JAZF1: variants seen among roughly 807,000 people sequenced by gnomAD.
JAZF1 encodes juxtaposed with another zinc finger protein 1.
A neutral mutation model predicts 26.4 loss-of-function variants in JAZF1; 8 were observed. The observed-to-expected ratio is 0.30, with a 90% CI of 0.18 to 0.55. The LOEUF (loss-of-function observed/expected upper bound fraction) is 0.55. Among genes scored for constraint, JAZF1 ranks in the 20% least tolerant of loss-of-function variants. JAZF1 has a pLI of 0.94. For missense variants in JAZF1, 199 were observed against 322.0 expected, an observed-to-expected ratio of 0.62 and a Z score of 2.92; for synonymous variants, 126 against 122.3, an observed-to-expected ratio of 1.03 and a Z score of -0.20.
chr7:28,057,082 T>C (rs1244877988), intron 1 of JAZF1, among the ~76,000 whole-genome samples: 1 of 152,188 alleles, frequency 6.6e-6, no homozygotes. Flanking sequence ...TTCCTAGCTA[T>C]CCATCATGCT....
rs1782909588 is a variant in JAZF1, at chr7:27,840,879, G to C, written c.386-12C>G. ...GTCATACTCGCTGCCTGCAGGACAA[G>C]AGAAGTGCAAGGACTGTCAGGAGCG... On this transcript the variant is annotated splice_polypyrimidine_tract_variant and intron_variant, in intron 3 of 4. Coordinates refer to ENST00000283928, the MANE Select transcript of JAZF1 (RefSeq NM_175061.4). This position sits in a 1 kb window ranked among gnomAD's most constrained non-coding sequence, Gnocchi z 5.1. 2 of 1,613,528 alleles carry C rather than the reference G, an allele frequency of 1.2e-6. No homozygotes were observed. Among genetic ancestry groups the C allele is most frequent in the Non-Finnish European group, 8.5e-7 (1 of 1,179,802 alleles).
chr7:27,848,881 A>G (rs1477976399), intron 3 of JAZF1, among the ~76,000 whole-genome samples: 1 of 152,124 alleles, frequency 6.6e-6, no homozygotes, highest in African/African-American at 2.4e-5. Context: ...GAATGGGCAA[A>G]TTTTGTTTTA....
chr7:27,865,493 T>G (rs1191145756), intron 3 of JAZF1, among the ~76,000 whole-genome samples: 1 of 152,228 alleles, frequency 6.6e-6, no homozygotes, highest in Non-Finnish European at 1.5e-5. Flanking sequence ...AAAGCCATAT[T>G]TAACCATCAG....
rs549434516 is a variant in JAZF1 at position 28,065,159 on chromosome 7, G to A, written c.116-73178C>T. ...CAGTCAGCTGACTTTCTCCCTAAGCGCTGATAAGGAATCTTTTGGGAGTAA... is the reference window on the plus strand; with the variant it reads ...CAGTCAGCTGACTTTCTCCCTAAGCACTGATAAGGAATCTTTTGGGAGTAA... On this transcript the variant is annotated intron_variant, in intron 1 of 4. Transcript: ENST00000283928. Among the ~76,000 whole-genome samples, 84 of 152,280 alleles carry A rather than the reference G, an allele frequency of 5.5e-4. 1 individual carries two copies. The South Asian group carries it at 0.015, about 27-fold the overall frequency.
At chr7:27,955,696 G>A (rs1785077326) in intron 2 of JAZF1, among the ~76,000 whole-genome samples, 2 of 152,280 alleles carry the variant, frequency 1.3e-5, no homozygotes, top group East Asian at 1.9e-4. Flanking sequence ...AACTCATTGT[G>A]ACAGTGTCAC....
intron 1 of JAZF1, among the ~76,000 whole-genome samples, chr7:28,124,105 T>C (rs1782655492): frequency 6.6e-6 from 1 of 152,116 alleles, no homozygotes; most frequent in Non-Finnish European, 1.5e-5. Flanking sequence ...TATTTGGAGA[T>C]AGGGCCTTTA....
At chr7:28,147,044 G>A (rs749615550) in intron 1 of JAZF1, among the ~76,000 whole-genome samples, 10 of 151,932 alleles carry the variant, frequency 6.6e-5, no homozygotes, top group Non-Finnish European at 1.3e-4. Context: ...TTTTAGTAGA[G>A]ACGGGGTTTC....
intron 1 of JAZF1, among the ~76,000 whole-genome samples, chr7:28,131,720 G>C (rs928003029): frequency 5.9e-5 from 9 of 152,094 alleles, no homozygotes; most frequent in African/African-American, 2.2e-4. Flanking sequence ...AATTTGCATA[G>C]AGTTTTGCTA....
At chr7:27,997,834 A>G (rs1217973324) in intron 1 of JAZF1, among the ~76,000 whole-genome samples, 1 of 151,968 alleles carries the variant, frequency 6.6e-6, no homozygotes, top group African/African-American at 2.4e-5. Flanking sequence ...TCGGCCTCCC[A>G]AAGTGCTGGG....
At position 27,830,970 on chromosome 7, in the gene JAZF1, G is replaced by A. The variant is rs188624103; in HGVS notation, c.*1830C>T. On this transcript the variant is annotated 3_prime_UTR_variant, in exon 5 of 5. Coordinates refer to ENST00000283928, the MANE Select transcript of JAZF1 (RefSeq NM_175061.4). ...TGCAGTTTCTTGCACTAGAAAGAGC[G>A]AAGCTAAATAATAATTGCTGGCCTA... 9.6e-5 allele frequency: 21 copies of A among 218,838 alleles called. No homozygotes were observed. The highest frequency in any genetic ancestry group is 3.8e-4 in the African/African-American group (17 of 44,670). 13.6% of individuals were successfully genotyped at this position (218,838 alleles called of 1,614,324 possible). A position where few individuals can be genotyped will look rare whatever the true frequency, so the allele number is the denominator to read the frequency against.
At chr7:28,053,752 C>G (rs1330301977) in intron 1 of JAZF1, among the ~76,000 whole-genome samples, 4 of 152,082 alleles carry the variant, frequency 2.6e-5, no homozygotes, top group Non-Finnish European at 4.4e-5. Context: ...GGCTTTTGAG[C>G]AAAGGAGTGG....
intron 1 of JAZF1, among the ~76,000 whole-genome samples, chr7:28,023,700 C>T (rs1482263457): frequency 1.3e-5 from 2 of 152,190 alleles, no homozygotes; most frequent in Non-Finnish European, 2.9e-5. Context: ...CTGGGCTAGG[C>T]GCTAAGGCAA....
At chr7:28,087,435 A>T (rs1287952690) in intron 1 of JAZF1, among the ~76,000 whole-genome samples, 2 of 152,134 alleles carry the variant, frequency 1.3e-5, no homozygotes, top group Non-Finnish European at 2.9e-5. Flanking sequence ...GGTTTGGGGA[A>T]TTTTCCTTTT....
At chr7:27,934,382 T>C (rs567002563) in intron 2 of JAZF1, among the ~76,000 whole-genome samples, 1 of 152,182 alleles carries the variant, frequency 6.6e-6, no homozygotes, top group South Asian at 2.1e-4. Context: ...GAAAATGCAA[T>C]AGCACCACCT....
intron 1 of JAZF1, among the ~76,000 whole-genome samples, chr7:28,120,199 T>C (rs1348605477): frequency 2.0e-5 from 3 of 151,724 alleles, no homozygotes; most frequent in Non-Finnish European, 2.9e-5. Flanking sequence ...ATTAAGCTTT[T>C]CAGGGGTTTA....
At chr7:28,000,312 G>A (rs1786118227) in intron 1 of JAZF1, among the ~76,000 whole-genome samples, 1 of 152,162 alleles carries the variant, frequency 6.6e-6, no homozygotes, top group South Asian at 2.1e-4. Context: ...AGTATCTAGG[G>A]GGTAGAGGGC....
At chr7:28,156,456 T>C (rs1484722241) in intron 1 of JAZF1, among the ~76,000 whole-genome samples, 3 of 152,228 alleles carry the variant, frequency 2.0e-5, no homozygotes, top group African/African-American at 7.2e-5. Context: ...CAAGAGACTA[T>C]TGATAAGAAG....
chr7:28,013,495 C>T (rs1394399385), intron 1 of JAZF1, among the ~76,000 whole-genome samples: 1 of 152,070 alleles, frequency 6.6e-6, no homozygotes, highest in South Asian at 2.1e-4. Context: ...ATCCCCAGTG[C>T]TCCTGATTTA....
intron 1 of JAZF1, among the ~76,000 whole-genome samples, chr7:28,093,791 C>T (rs895589132): frequency 2.0e-5 from 3 of 152,216 alleles, no homozygotes; most frequent in Non-Finnish European, 4.4e-5. Flanking sequence ...AGATGCTTGT[C>T]CACTGTCTCT....
Sources: allele counts gnomAD v4.1 joint callset (sites outside exome capture counted in the v4.1 genomes callset), GRCh38; gene constraint gnomAD v4.1.1; non-coding constraint Gnocchi (gnomAD v3.1); transcripts MANE v1.5; gene names NCBI Gene and HGNC (gene_info 2026-07-23, HGNC 2026-07-21).